TRMT2B: variants seen among roughly 807,000 people sequenced by gnomAD.
TRMT2B encodes the protein tRNA (uracil-5-)-methyltransferase homolog B.
A neutral mutation model predicts 39.7 loss-of-function variants in TRMT2B; 34 were observed. The observed-to-expected ratio is 0.86, with a 90% confidence interval of 0.65 to 1.14. The LOEUF is 1.14. Among genes scored for constraint, TRMT2B ranks in the 50% most tolerant of loss-of-function variants. TRMT2B has a pLI of 0.00. For missense variants in TRMT2B, 318 were observed against 377.2 expected (o/e 0.84, Z 1.30); for synonymous variants, 132 against 137.3 (o/e 0.96, Z 0.27).
At chrX:101,014,984 GA>G (rs972648447) in intron 13 of TRMT2B, among the ~76,000 whole-genome samples, 3 of 101,330 alleles carry the variant, frequency 3.0e-5, no homozygotes, top group Admixed American at 1.1e-4. Flanking sequence ...CATCTCTTTA[GA>G]AAAAAAAAAA....
chrX:100,990,680 T>C, the TRMT2B span: 7 of 940,568 alleles, frequency 7.4e-6, no homozygotes, highest in Non-Finnish European at 8.9e-6. Flanking sequence ...ACCGAGATGC[T>C]GCTGACAAAG....
rs772894448 is a variant in TRMT2B, at chrX:101,020,603, GAGA to G, written c.1067-18_1067-16del. 2,301 of 1,135,712 alleles carry G rather than the reference GAGA, an allele frequency of 2.0e-3. 3 individuals are homozygous for G. Among genetic ancestry groups the G allele is most frequent in the Non-Finnish European group, 2.3e-3 (1,900 of 828,635 alleles). 93.6% of individuals were successfully genotyped at this position (1,135,712 alleles called of 1,213,427 possible). A position where few individuals can be genotyped will look rare whatever the true frequency, so the allele number is the denominator to read the frequency against. ...GCCAATCACACCTGAAGAAGTAAAC[GAGA>G]AGAAGAAGAAGGCATTTTAGGGTTT... On this transcript the variant is annotated splice_polypyrimidine_tract_variant and intron_variant, in intron 10 of 13. Coordinates refer to ENST00000372936, the MANE Select transcript of TRMT2B (RefSeq NM_024917.6).
chrX:101,021,185 C>T lies in TRMT2B; in HGVS notation c.982G>A (p.Gly328Ser). 8.3e-7 allele frequency: 1 copy of T among 1,211,067 alleles called. No homozygotes were observed. The highest frequency in any genetic ancestry group is 1.7e-5 in the African/African-American group (1 of 57,745). ...PDAFFQINTA[G>S]AEMLYRTVGE... The stretch of plus-strand genomic sequence containing the variant: ...ACAGTCCGATACAGCATCTCTGCAC[C>T]AGCTGTGTTAATCTGGAAAAAGGCA... Residue 328 changes from glycine to serine, a missense_variant, in exon 10 of 14, where the codon GGT (glycine) becomes AGT (serine). Gly to Ser is a moderately conservative substitution (Grantham distance 56). Coordinates refer to ENST00000372936, the MANE Select transcript of TRMT2B (RefSeq NM_024917.6).
rs1042550802 is a variant in TRMT2B at position 101,010,289 on chromosome X, T to G, written c.*292A>C. ...TAGCCGGGCATGGTGGCACGCACCT[T>G]TAATCCTAGCTACTGGGGAAGCTGA... On this transcript the variant is annotated 3_prime_UTR_variant, in exon 14 of 14. Coordinates refer to ENST00000372936, the MANE Select transcript of TRMT2B (RefSeq NM_024917.6). The G allele has an allele frequency of 8.9e-5, 20 of 225,185 alleles. No individual in the cohort carries two copies. Among genetic ancestry groups the G allele is most frequent in the Non-Finnish European group, 1.5e-4 (19 of 123,688 alleles). The allele number at this position is 225,185 out of a possible 1,213,427, so 18.6% of individuals were successfully genotyped here.
chrX:101,046,514 C>T (rs1217603510), intron 2 of TRMT2B, among the ~76,000 whole-genome samples: 1 of 112,228 alleles, frequency 8.9e-6, no homozygotes, highest in African/African-American at 3.2e-5. Context: ...CCACTCACTA[C>T]CTAGGTGGCC....
In TRMT2B at chrX:101,020,650, G is replaced by C. The variant is rs112699426; in HGVS notation, c.1067-62C>G. The C allele has an allele frequency of 6.3e-6, 5 of 787,654 alleles. 1 individual carries two copies. The highest frequency in any genetic ancestry group is 9.4e-6 in the Non-Finnish European group (5 of 530,314). The allele number at this position is 787,654 out of a possible 1,213,427, so 64.9% of individuals were successfully genotyped here. The stretch of plus-strand genomic sequence containing the variant: ...AGGGTTTAGGTGTGGTAGTTTGTTT[G>C]TTTTTTGTTTAGTTTAGTTTAGTTT... On this transcript the variant is annotated intron_variant, in intron 10 of 13. Coordinates refer to ENST00000372936, the MANE Select transcript of TRMT2B (RefSeq NM_024917.6).
chrX:101,036,463 A>C (rs895898068), intron 6 of TRMT2B, among the ~76,000 whole-genome samples: 7 of 108,472 alleles, frequency 6.5e-5, no homozygotes, highest in Non-Finnish European at 1.3e-4. Flanking sequence ...AAAAAAAAAA[A>C]AAGCTCAGGA....
In TRMT2B at chrX:101,037,957, G is replaced by A; in HGVS notation, c.398C>T (p.Ser133Phe). The A allele has an allele frequency of 8.3e-7, 1 of 1,210,695 alleles. No homozygotes were observed. The highest frequency in any genetic ancestry group is 1.1e-6 in the Non-Finnish European group (1 of 894,737). The change falls in exon 5 of 14, where the codon TCT becomes TTT. Residue 133 changes from serine to phenylalanine, a missense_variant. Physicochemically the swap from Ser to Phe is radical, Grantham distance 155. Transcript: ENST00000372936. ...ATGGAGAAGACAAGAGAGCCTCTCA[G>A]ATTTGGGTACAGCCGTTGTCACACT... ...GVSVTTAVPK[S>F]ERLSCLLHPI... is the part of the protein sequence containing the mutation.
Position 101,037,029 on chromosome X carries a change from G to T in TRMT2B, c.483C>A (p.Asn161Lys). The stretch of plus-strand genomic sequence containing the variant: ...TCTTTGGATTGCCATCTGGACCTCG[G>T]TTCACAGAGAAGGTGGACTTATTTC... ...GYRNKSTFSV[N>K]RGPDGNPKTV... Residue 161 changes from asparagine to lysine, a missense_variant, in exon 6 of 14, where the codon AAC (asparagine) becomes AAA (lysine). By Grantham distance (94) the Asn-to-Lys change is moderately conservative. Transcript: ENST00000372936. The T allele has an allele frequency of 1.7e-6, 2 of 1,211,443 alleles. No homozygotes were observed. Among genetic ancestry groups the T allele is most frequent in the Non-Finnish European group, 2.2e-6 (2 of 895,349 alleles).
chrX:101,008,351 T>A (rs1359116323), downstream of TRMT2B, among the ~76,000 whole-genome samples: 1 of 111,574 alleles, frequency 9.0e-6, no homozygotes, highest in Non-Finnish European at 1.9e-5. Flanking sequence ...AAGGAAAAAA[T>A]TTATGCAACT....
intron 13 of TRMT2B, among the ~76,000 whole-genome samples, chrX:101,013,211 T>C (rs967451466): frequency 3.6e-5 from 4 of 111,796 alleles, no homozygotes; most frequent in African/African-American, 1.3e-4. Flanking sequence ...GTAGTTTAAA[T>C]AGCATTATCC....
Position 101,019,403 on chromosome X carries a change from C to T in TRMT2B, c.1169G>A (p.Gly390Asp), listed in dbSNP as rs1333451912. The T allele has an allele frequency of 8.3e-7, 1 of 1,208,282 alleles. No homozygotes were observed. The highest frequency in any genetic ancestry group is 1.1e-6 in the Non-Finnish European group (1 of 894,962). Residue 390 changes from glycine (G) to aspartate (D), a missense_variant and splice_region_variant, in exon 12 of 14, where the codon GGC (glycine) becomes GAC (aspartate). Transcript: ENST00000372936. ...EDARWTAAFNGITNSEFHTGQ... is the reference protein window; with the variant it reads ...EDARWTAAFNDITNSEFHTGQ... ...AGTATGAAATTCAGAGTTGGTGATGCCTATGGAAGACAGGCCCACAGGACA... is the reference window on the plus strand; with the variant it reads ...AGTATGAAATTCAGAGTTGGTGATGTCTATGGAAGACAGGCCCACAGGACA...
At chrX:100,975,669 G>A in the TRMT2B span, among the ~76,000 whole-genome samples, 1 of 97,024 alleles carries the variant, frequency 1.0e-5, no homozygotes, top group African/African-American at 3.9e-5. Context: ...GTCTTGTTCT[G>A]TTGCCCAGGC....
chrX:101,048,153 G>C (rs867268418), intron 2 of TRMT2B, among the ~76,000 whole-genome samples: 18 of 77,036 alleles, frequency 2.3e-4, no homozygotes, highest in Non-Finnish European at 4.2e-4. Context: ...CACACACACA[G>C]AGAAAATTAT....
chrX:100,998,274 AAAG>A, the TRMT2B span, among the ~76,000 whole-genome samples: 1 of 108,613 alleles, frequency 9.2e-6, no homozygotes, highest in Non-Finnish European at 1.9e-5. Context: ...AAAAAAAAAA[AAAG>A]AAGAAAACTT....
Position 101,035,619 on chromosome X carries a change from C to A in TRMT2B, c.603G>T (p.Val201=). 1 of 1,210,395 alleles carries A rather than the reference C, an allele frequency of 8.3e-7. No homozygotes were observed. The highest frequency in any genetic ancestry group is 1.1e-6 in the Non-Finnish European group (1 of 894,267). The change falls in exon 7 of 14, where the codon GTG becomes GTT. Residue 201 remains valine, a synonymous_variant. Coordinates refer to ENST00000372936, the MANE Select transcript of TRMT2B (RefSeq NM_024917.6). ...AGCTCTTGTTCCATTTTACCTGCGC[C>A]ACTTGACTGTGTTTCTCAGGGATGT... The part of the protein sequence containing the change: ...LKNIPEKHSQ[V]AQYYEVFLRQ...
the TRMT2B span, among the ~76,000 whole-genome samples, chrX:100,981,438 G>A: frequency 9.0e-6 from 1 of 110,534 alleles, no homozygotes; most frequent in African/African-American, 3.3e-5. Context: ...GCTGCCAGGG[G>A]ATGAGGAAAG....
At chrX:101,040,611 TTC>T (rs1282412806) in intron 4 of TRMT2B, among the ~76,000 whole-genome samples, 16 of 111,791 alleles carry the variant, frequency 1.4e-4, no homozygotes, top group African/African-American at 5.2e-4. Flanking sequence ...TAGAACAAAT[TTC>T]TCTTTTCTAA....
At chrX:101,012,921 C>T (rs758762207) in intron 13 of TRMT2B, among the ~76,000 whole-genome samples, 211 of 110,421 alleles carry the variant, frequency 1.9e-3, no homozygotes, top group Non-Finnish European at 3.1e-3. Flanking sequence ...TGGATTCAAG[C>T]GATTTTCCTG....
Sources: allele counts gnomAD v4.1 joint callset (sites outside exome capture counted in the v4.1 genomes callset), GRCh38; gene constraint gnomAD v4.1.1; transcripts MANE v1.5; gene names NCBI Gene and HGNC (gene_info 2026-07-23, HGNC 2026-07-21).